Variants in TASP1 observed in about 807,000 individuals in gnomAD.
TASP1 encodes the protein threonine aspartase 1.
A neutral mutation model predicts 56.6 loss-of-function variants in TASP1; 16 were observed. That is an observed-to-expected ratio of 0.28 (90% CI 0.19 to 0.43). The LOEUF is 0.43. Among genes scored for constraint, TASP1 ranks in the 20% least tolerant of loss-of-function variants. The pLI is 1.00. For synonymous variants in TASP1, 179 were observed against 184.2 expected (o/e 0.97, Z 0.23); for missense variants, 393 against 511.6 (o/e 0.77, Z 2.24).
At chr20:13,184,678 A>G in the TASP1 span, among the ~76,000 whole-genome samples, 1 of 152,214 alleles carries the variant, frequency 6.6e-6, no homozygotes, top group East Asian at 1.9e-4. Flanking sequence ...GCTTTGGCCA[A>G]TAGGAGCAGG....
chr20:13,221,671 G>A, the TASP1 span: 8 of 1,015,992 alleles, frequency 7.9e-6, no homozygotes, highest in African/African-American at 1.7e-5. Context: ...GAGCCGAGGC[G>A]GGAGCCGCGC....
chr20:13,458,728 G>A (rs2043940154), intron 11 of TASP1, among the ~76,000 whole-genome samples: 1 of 152,070 alleles, frequency 6.6e-6, no homozygotes, highest in African/African-American at 2.4e-5. Context: ...CTCCATCCCA[G>A]GACTCCTAAG....
chr20:13,388,197 G>T (rs976753980), downstream of TASP1, among the ~76,000 whole-genome samples: 1 of 152,270 alleles, frequency 6.6e-6, no homozygotes, highest in East Asian at 1.9e-4. Flanking sequence ...AGAGAATGAG[G>T]TTATTTTCTC....
chr20:13,229,835 T>C, the TASP1 span, among the ~76,000 whole-genome samples: 2 of 152,142 alleles, frequency 1.3e-5, no homozygotes, highest in African/African-American at 4.8e-5. Flanking sequence ...CAGAAATCCC[T>C]CTCTCTCTTC....
the TASP1 span, among the ~76,000 whole-genome samples, chr20:13,139,949 G>C: frequency 0.02 from 3,110 of 152,242 alleles, 52 homozygotes; most frequent in Non-Finnish European, 0.031. Context: ...ACTACTTCTA[G>C]TTTCTTTTTC....
At chr20:13,387,184 ATTTTT>A (rs779048448), downstream of TASP1, among the ~76,000 whole-genome samples, 3 of 70,690 alleles carry the variant, frequency 4.2e-5, no homozygotes, top group African/African-American at 1.3e-4. Context: ...ACATGATTTC[ATTTTT>A]TTTTTTTTTT....
Position 13,478,883 on chromosome 20 carries a change from TAC to T in TASP1, c.985+4342_985+4343del, listed in dbSNP as rs570594809. Among the ~76,000 whole-genome samples the T allele has an allele frequency of 3.3e-5, 5 of 152,260 alleles. No individual in the cohort carries two copies. In the South Asian group the frequency reaches 8.3e-4, roughly 25 times the overall value. ...TAAGCACTTATATGCAGTAAAATGATACAGACAAAAATTACAGACAAATCTCT... is the reference window on the plus strand; with the variant it reads ...TAAGCACTTATATGCAGTAAAATGATAGACAAAAATTACAGACAAATCTCT... On this transcript the variant is annotated intron_variant, in intron 11 of 13. Transcript: ENST00000337743.
At chr20:13,629,441 A>T (rs1274756605) in intron 2 of TASP1, among the ~76,000 whole-genome samples, 3 of 151,628 alleles carry the variant, frequency 2.0e-5, no homozygotes, top group Non-Finnish European at 2.9e-5. Flanking sequence ...CCACAGTCTC[A>T]CATGGGAATC....
chr20:13,266,136 A>G, the TASP1 span, among the ~76,000 whole-genome samples: 1 of 152,196 alleles, frequency 6.6e-6, no homozygotes, highest in Non-Finnish European at 1.5e-5. Context: ...TCGCACTCAG[A>G]TGAAGTGGAT....
intron 12 of TASP1, among the ~76,000 whole-genome samples, chr20:13,425,544 T>C (rs1447371050): frequency 1.3e-5 from 2 of 152,162 alleles, no homozygotes; most frequent in African/African-American, 4.8e-5. Flanking sequence ...TAGCTTCACA[T>C]CCCAGACTTG....
At chr20:13,370,818 T>G in the TASP1 span, among the ~76,000 whole-genome samples, 32 of 152,100 alleles carry the variant, frequency 2.1e-4, no homozygotes, top group Non-Finnish European at 2.8e-4. Context: ...CCTGGGAGAT[T>G]TTTTGATTAC....
the TASP1 span, among the ~76,000 whole-genome samples, chr20:13,293,155 G>A: frequency 5.4e-5 from 8 of 149,522 alleles, no homozygotes; most frequent in East Asian, 2.0e-4. Flanking sequence ...AGCTGAGATC[G>A]CGCCACTGCA....
At chr20:13,257,240 C>T in the TASP1 span, among the ~76,000 whole-genome samples, 9 of 152,254 alleles carry the variant, frequency 5.9e-5, 1 homozygote, top group South Asian at 1.9e-3. Flanking sequence ...ATCGGCCAGG[C>T]TCGATGGCTC....
chr20:13,474,161 G>A (rs2044630820), intron 11 of TASP1, among the ~76,000 whole-genome samples: 1 of 152,152 alleles, frequency 6.6e-6, no homozygotes, highest in Non-Finnish European at 1.5e-5. Context: ...GAATGGTTTT[G>A]GGTTTCAATG....
intron 11 of TASP1, among the ~76,000 whole-genome samples, chr20:13,448,082 T>C (rs1568815248): frequency 1.3e-5 from 2 of 152,168 alleles, no homozygotes; most frequent in Admixed American, 1.3e-4. Flanking sequence ...ATCCATGTTT[T>C]CTATTTGTGC....
chr20:13,572,669 G>A (rs2046758521), intron 6 of TASP1, among the ~76,000 whole-genome samples: 1 of 124,322 alleles, frequency 8.0e-6, no homozygotes, highest in South Asian at 2.8e-4. Flanking sequence ...CTAGGTGACA[G>A]AGTGAGACTC....
chr20:13,523,333 C>A (rs1407927561), intron 10 of TASP1, among the ~76,000 whole-genome samples: 2 of 152,174 alleles, frequency 1.3e-5, no homozygotes, highest in Non-Finnish European at 2.9e-5. Context: ...CTGCCTTCCA[C>A]ATACCCTTAA....
chr20:13,548,687 A>T (rs542745450), intron 8 of TASP1, among the ~76,000 whole-genome samples: 2 of 152,248 alleles, frequency 1.3e-5, no homozygotes, highest in African/African-American at 4.8e-5. Flanking sequence ...CCTGGAGGAA[A>T]ACTAAATGAG....
At chr20:13,560,423 T>A (rs996933739) in intron 7 of TASP1, among the ~76,000 whole-genome samples, 1 of 152,090 alleles carries the variant, frequency 6.6e-6, no homozygotes, top group African/African-American at 2.4e-5. Flanking sequence ...GAGGGATACG[T>A]CAAGCCCAAA....
Sources: allele counts gnomAD v4.1 joint callset (sites outside exome capture counted in the v4.1 genomes callset), GRCh38; gene constraint gnomAD v4.1.1; transcripts MANE v1.5; gene names NCBI Gene and HGNC (gene_info 2026-07-23, HGNC 2026-07-21).